The following GPM6A variants were observed in gnomAD, a reference collection of about 807,000 sequenced individuals.
The protein encoded by GPM6A is neuronal membrane glycoprotein M6-a.
GPM6A carries 7 observed loss-of-function variants against 32.1 expected under a neutral mutation model. The observed-to-expected ratio is 0.22, with a 90% CI of 0.12 to 0.41. The LOEUF (loss-of-function observed/expected upper bound fraction) is 0.41, where lower values mean the gene tolerates loss of function less well. GPM6A is among the 10% of genes least tolerant of loss of function. GPM6A has a pLI of 1.00. For missense variants in GPM6A, 235 were observed against 347.2 expected (o/e 0.68, Z 2.57); for synonymous variants, 130 against 123.4 (o/e 1.05, Z -0.35).
intron 1 of GPM6A, among the ~76,000 whole-genome samples, chr4:175,944,934 TTTTTTTG>T (rs1216069573): frequency 3.9e-5 from 6 of 152,318 alleles, no homozygotes; most frequent in African/African-American, 1.4e-4. Context: ...TTCATGTACA[TTTTTTTG>T]TTTTTTGTTT....
At chr4:175,667,374 T>G (rs1168150094) in intron 3 of GPM6A, among the ~76,000 whole-genome samples, 1 of 152,160 alleles carries the variant, frequency 6.6e-6, no homozygotes, top group Non-Finnish European at 1.5e-5. Context: ...ACAAAATGTA[T>G]TACTCAGCCA....
intron 1 of GPM6A, among the ~76,000 whole-genome samples, chr4:175,922,146 G>A (rs1488595464): frequency 6.6e-6 from 1 of 152,124 alleles, no homozygotes; most frequent in African/African-American, 2.4e-5. Flanking sequence ...TAATGTGAAG[G>A]GTTAATGTGA....
chr4:175,763,338 T>C (rs999979317), intron 1 of GPM6A, among the ~76,000 whole-genome samples: 4 of 152,140 alleles, frequency 2.6e-5, no homozygotes, highest in African/African-American at 9.7e-5. Flanking sequence ...AAAGCCAATC[T>C]TTCCCTTCTG....
upstream of GPM6A, chr4:175,813,147 C>T: frequency 1.2e-6 from 1 of 823,842 alleles, no homozygotes; most frequent in Non-Finnish European, 1.5e-6. Flanking sequence ...ATGATTATAG[C>T]CCACGAAAGC....
At chr4:175,726,543 ATGG>A (rs1032413497) in intron 1 of GPM6A, among the ~76,000 whole-genome samples, 39 of 152,250 alleles carry the variant, frequency 2.6e-4, no homozygotes, top group African/African-American at 9.1e-4. Flanking sequence ...TCTTTCCTTA[ATGG>A]AAACTATGCT....
chr4:175,911,690 G>T (rs1476385392), intron 1 of GPM6A, among the ~76,000 whole-genome samples: 1 of 152,116 alleles, frequency 6.6e-6, no homozygotes, highest in Non-Finnish European at 1.5e-5. Flanking sequence ...TGACAGCAGG[G>T]AAATTAATTA....
At chr4:175,705,266 A>C (rs533459266) in intron 1 of GPM6A, among the ~76,000 whole-genome samples, 1 of 152,214 alleles carries the variant, frequency 6.6e-6, no homozygotes, top group Non-Finnish European at 1.5e-5. Flanking sequence ...TGTAAACAGT[A>C]TTATTTAAAT....
chr4:175,751,713 T>C (rs1406377248), intron 1 of GPM6A, among the ~76,000 whole-genome samples: 2 of 151,786 alleles, frequency 1.3e-5, no homozygotes, highest in African/African-American at 2.4e-5. Flanking sequence ...GGACAGTTGA[T>C]AGAGAATGAC....
chr4:175,951,271 C>G (rs1290030160), intron 1 of GPM6A, among the ~76,000 whole-genome samples: 1 of 152,132 alleles, frequency 6.6e-6, no homozygotes, highest in Non-Finnish European at 1.5e-5. Flanking sequence ...TGTGAAAATA[C>G]TACTTTTAGT....
intron 1 of GPM6A, among the ~76,000 whole-genome samples, chr4:175,902,744 C>A (rs183519384): frequency 6.6e-6 from 1 of 151,976 alleles, no homozygotes; most frequent in Admixed American, 6.6e-5. Context: ...TCTCCGGGAC[C>A]CCTCTCTCTG....
At chr4:175,886,722 AACACACACACACACAC>A (rs34241399) in intron 1 of GPM6A, among the ~76,000 whole-genome samples, 36 of 145,816 alleles carry the variant, frequency 2.5e-4, no homozygotes, top group African/African-American at 7.8e-4. Flanking sequence ...AAACTCAGTA[AACACACACACACACAC>A]ACACACACAC....
intron 1 of GPM6A, among the ~76,000 whole-genome samples, chr4:175,931,240 A>G (rs1482961960): frequency 6.6e-6 from 1 of 152,188 alleles, no homozygotes; most frequent in Non-Finnish European, 1.5e-5. Context: ...ACTAAGACCT[A>G]GAAAAATATT....
At chr4:175,651,002 C>T (rs35374573) in intron 4 of GPM6A, among the ~76,000 whole-genome samples, 1 of 152,100 alleles carries the variant, frequency 6.6e-6, no homozygotes, top group Admixed American at 6.6e-5. Context: ...TATACTCTAC[C>T]TTTCCACTTC....
At chr4:175,943,172 GCT>G (rs1427195025) in intron 1 of GPM6A, among the ~76,000 whole-genome samples, 2 of 151,970 alleles carry the variant, frequency 1.3e-5, no homozygotes, top group African/African-American at 2.4e-5. Context: ...TCATGATTTG[GCT>G]CTCTGTTTGT....
At chr4:175,840,948 A>C (rs1735916534) in intron 1 of GPM6A, among the ~76,000 whole-genome samples, 2 of 152,196 alleles carry the variant, frequency 1.3e-5, no homozygotes, top group African/African-American at 4.8e-5. Context: ...ATATAGTAAC[A>C]CATGTAATTG....
At chr4:175,998,847 A>G (rs1404653631) in intron 1 of GPM6A, among the ~76,000 whole-genome samples, 2 of 151,982 alleles carry the variant, frequency 1.3e-5, no homozygotes, top group Admixed American at 6.6e-5. Flanking sequence ...TTTAAACAAC[A>G]TTTTCACTAA....
intron 1 of GPM6A, among the ~76,000 whole-genome samples, chr4:175,880,593 G>A (rs1175211999): frequency 2.0e-5 from 3 of 152,164 alleles, no homozygotes; most frequent in African/African-American, 4.8e-5. Flanking sequence ...TCCTGGAAGA[G>A]GGCCTTCACA....
intron 3 of GPM6A, among the ~76,000 whole-genome samples, chr4:175,663,587 T>A (rs1273943133): frequency 6.6e-6 from 1 of 152,196 alleles, no homozygotes; most frequent in African/African-American, 2.4e-5. Flanking sequence ...TGATTTAGCC[T>A]TTCCACAATG....
chr4:175,832,660 G>T (rs772594491), intron 1 of GPM6A, among the ~76,000 whole-genome samples: 1 of 152,168 alleles, frequency 6.6e-6, no homozygotes, highest in African/African-American at 2.4e-5. Flanking sequence ...TTGACAAATA[G>T]TAGAATGTTT....
Sources: gnomAD v4.1 joint callset for allele counts (sites outside exome capture counted in the v4.1 genomes callset) on GRCh38, gnomAD v4.1.1 for gene constraint, MANE v1.5 for transcripts, NCBI Gene and HGNC (gene_info 2026-07-23, HGNC 2026-07-21) for gene names.